Variants in BBS9 observed in about 807,000 individuals in gnomAD.
The protein encoded by BBS9 is Bardet-Biedl syndrome 9.
In BBS9, 89 loss-of-function variants were observed where a neutral mutation model predicts 117.7. That is an observed-to-expected ratio of 0.76 (90% confidence interval 0.64 to 0.90). BBS9 has a LOEUF of 0.90. BBS9 is among the 40% of genes least tolerant of loss of function. The pLI, the probability that BBS9 is intolerant of heterozygous loss-of-function variation, is 0.00. For synonymous variants in BBS9, 379 were observed against 370.9 expected, an observed-to-expected ratio of 1.02 and a Z score of -0.25; for missense variants, 982 against 1,042.2, an observed-to-expected ratio of 0.94 and a Z score of 0.80.
rs773949757 is a variant in BBS9 at position 33,503,817 on chromosome 7, C to G, written c.2116-1646C>G. 2.6e-5 allele frequency among the ~76,000 whole-genome samples: 4 copies of G among 152,122 alleles called. No individual in the cohort carries two copies. The East Asian group carries it at 7.7e-4, about 29-fold the overall frequency. ...TCATGGTGGGGGTGGGGGAGGAACA[C>G]GATTCCAGGTGTTTTGGTTTAAGGA... is the stretch of plus-strand genomic sequence containing the variant. On this transcript the variant is annotated intron_variant, in intron 19 of 22. Coordinates refer to ENST00000242067, the MANE Select transcript of BBS9 (RefSeq NM_198428.3).
intron 11 of BBS9, among the ~76,000 whole-genome samples, chr7:33,343,616 A>G (rs905772108): frequency 1.3e-5 from 2 of 151,878 alleles, no homozygotes; most frequent in South Asian, 4.1e-4. Flanking sequence ...CTCCTGTCTC[A>G]GCCTCCGGAG....
intron 5 of BBS9, among the ~76,000 whole-genome samples, chr7:33,225,171 C>T (rs1790997578): frequency 6.6e-6 from 1 of 152,032 alleles, no homozygotes; most frequent in African/African-American, 2.4e-5. Flanking sequence ...TGATGCCTTT[C>T]AATTTATTGA....
chr7:33,363,895 A>C (rs376807479), intron 16 of BBS9, among the ~76,000 whole-genome samples: 3 of 151,760 alleles, frequency 2.0e-5, no homozygotes, highest in African/African-American at 7.2e-5. Flanking sequence ...GAGATAAATT[A>C]TAGATGGTCA....
At chr7:33,298,514 A>G (rs186100041) in intron 9 of BBS9, among the ~76,000 whole-genome samples, 77 of 152,318 alleles carry the variant, frequency 5.1e-4, no homozygotes, top group Non-Finnish European at 9.6e-4. Context: ...TAGAGAAGCT[A>G]TAAATACAGT....
chr7:33,371,670 G>C (rs568181821), intron 17 of BBS9, among the ~76,000 whole-genome samples: 1 of 152,122 alleles, frequency 6.6e-6, no homozygotes, highest in East Asian at 1.9e-4. Context: ...TGTACACCTA[G>C]GGAGACTTTG....
At chr7:33,320,692 T>C (rs1178056007) in intron 9 of BBS9, among the ~76,000 whole-genome samples, 1 of 152,158 alleles carries the variant, frequency 6.6e-6, no homozygotes, top group African/African-American at 2.4e-5. Context: ...GTTGTACTAA[T>C]TTTCATTTCT....
At chr7:33,594,918 A>G (rs911763882) in intron 21 of BBS9, among the ~76,000 whole-genome samples, 1 of 152,168 alleles carries the variant, frequency 6.6e-6, no homozygotes, top group South Asian at 2.1e-4. Flanking sequence ...CAACCATTTC[A>G]TCTTGGACAA....
chr7:33,526,414 A>G (rs574202702), intron 20 of BBS9, among the ~76,000 whole-genome samples: 1 of 152,190 alleles, frequency 6.6e-6, no homozygotes, highest in Non-Finnish European at 1.5e-5. Context: ...GTCTTTTCAC[A>G]TAGTCCCATA....
At chr7:33,405,667 A>G (rs978785155) in intron 19 of BBS9, among the ~76,000 whole-genome samples, 1 of 152,066 alleles carries the variant, frequency 6.6e-6, no homozygotes, top group Non-Finnish European at 1.5e-5. Context: ...GGTAGTTTGT[A>G]TTTCTGTGGG....
intron 14 of BBS9, chr7:33,351,580 A>G (rs1441464977): frequency 2.2e-6 from 1 of 462,076 alleles, no homozygotes; most frequent in Non-Finnish European, 4.0e-6. Context: ...TTTATTCCTA[A>G]TAGAAGAATG....
chr7:33,257,274 C>G lies in BBS9; in HGVS notation c.481C>G (p.Leu161Val). Residue 161 changes from leucine (L) to valine (V), a missense_variant, in exon 6 of 23, where the codon CTG becomes GTG. Transcript: ENST00000242067. ...LICIQSMDGM[L>V]MVFEQESYAF... ...TTGCATCCAGTCTATGGATGGGATG[C>G]TGATGGTATTTGAGCAGGAGAGCTA... is the stretch of plus-strand genomic sequence containing the variant. 1 of 1,613,668 alleles carries G rather than the reference C, an allele frequency of 6.2e-7. No homozygotes were observed. Among genetic ancestry groups the G allele is most frequent in the Non-Finnish European group, 8.5e-7 (1 of 1,179,704 alleles).
intron 9 of BBS9, among the ~76,000 whole-genome samples, chr7:33,295,104 G>A (rs1562952050): frequency 6.6e-6 from 1 of 152,136 alleles, no homozygotes; most frequent in Non-Finnish European, 1.5e-5. Context: ...AGGATATACA[G>A]AGACATTACA....
chr7:33,234,228 A>C (rs1793037802), intron 5 of BBS9, among the ~76,000 whole-genome samples: 4 of 152,048 alleles, frequency 2.6e-5, no homozygotes, highest in Non-Finnish European at 5.9e-5. Flanking sequence ...ATAGGAAAAA[A>C]CAGTGTGTGT....
At chr7:33,372,993 A>C (rs1823140972) in intron 17 of BBS9, among the ~76,000 whole-genome samples, 1 of 151,956 alleles carries the variant, frequency 6.6e-6, no homozygotes, top group Non-Finnish European at 1.5e-5. Flanking sequence ...TATCAGATGT[A>C]ATTTCTACTT....
Position 33,569,306 on chromosome 7 carries a change from A to G in BBS9, c.2521+35130A>G, listed in dbSNP as rs189559472. Among the ~76,000 whole-genome samples the G allele has an allele frequency of 9.1e-4, 138 of 152,218 alleles. 1 individual carries two copies. Among genetic ancestry groups the G allele is most frequent in the African/African-American group, 3.3e-3 (137 of 41,560 alleles). On this transcript the variant is annotated intron_variant, in intron 21 of 22. Coordinates refer to ENST00000242067, the MANE Select transcript of BBS9 (RefSeq NM_198428.3). ...GAAACTGCTTTATGTGTATGCTAGG[A>G]TTAAACAAAGAAGTTAGAAGTACAG... is the stretch of plus-strand genomic sequence containing the variant.
chr7:33,582,388 G>A (rs907035637), intron 21 of BBS9, among the ~76,000 whole-genome samples: 3 of 151,984 alleles, frequency 2.0e-5, no homozygotes, highest in Non-Finnish European at 4.4e-5. Context: ...GCTGGGAAGG[G>A]GCTAAGTGAA....
At chr7:33,314,319 C>G (rs985699426) in intron 9 of BBS9, 6 of 422,196 alleles carry the variant, frequency 1.4e-5, no homozygotes, top group African/African-American at 1.0e-4. Flanking sequence ...TGAAGTTTCT[C>G]CTTTTCTTTG....
intron 19 of BBS9, among the ~76,000 whole-genome samples, chr7:33,474,209 G>A (rs1349374490): frequency 6.6e-6 from 1 of 152,166 alleles, no homozygotes; most frequent in African/African-American, 2.4e-5. Context: ...AATGCAAGAA[G>A]AAGTAGTTAC....
intron 19 of BBS9, among the ~76,000 whole-genome samples, chr7:33,425,775 A>G (rs1833572301): frequency 6.6e-6 from 1 of 152,168 alleles, no homozygotes. Flanking sequence ...TGAAATACCA[A>G]GTGGGCCTTG....
Sources: gnomAD v4.1 joint callset for allele counts (sites outside exome capture counted in the v4.1 genomes callset) on GRCh38, gnomAD v4.1.1 for gene constraint, MANE v1.5 for transcripts, NCBI Gene and HGNC (gene_info 2026-07-23, HGNC 2026-07-21) for gene names.